RORA: variants seen among roughly 807,000 people sequenced by gnomAD.
RORA encodes the protein RAR related orphan receptor A, also known as nuclear receptor ROR-alpha.
RORA carries 7 observed loss-of-function variants against 69.5 expected under a neutral mutation model. That is an observed-to-expected ratio of 0.10 (90% CI 0.06 to 0.19). The LOEUF is 0.19. Ranked by LOEUF, RORA falls within the 10% of genes least tolerant of loss-of-function variation. RORA has a pLI of 1.00. For synonymous variants in RORA, 261 were observed against 240.8 expected (o/e 1.08, Z -0.78); for missense variants, 457 against 663.0 (o/e 0.69, Z 3.41).
At chr15:60,624,073 A>C (rs1261284728) in intron 2 of RORA, among the ~76,000 whole-genome samples, 1 of 152,104 alleles carries the variant, frequency 6.6e-6, no homozygotes, top group Non-Finnish European at 1.5e-5. Context: ...TGACTGCAGA[A>C]ATACTCTATA....
At chr15:60,811,707 C>T (rs1193774243) in intron 1 of RORA, among the ~76,000 whole-genome samples, 1 of 152,106 alleles carries the variant, frequency 6.6e-6, no homozygotes, top group Admixed American at 6.6e-5. Context: ...TTTATTATTA[C>T]CCACATCTCA....
chr15:61,183,067 G>T (rs2079702854), intron 1 of RORA: 1 of 152,292 alleles, frequency 6.6e-6, no homozygotes. Flanking sequence ...GCAGAAGAAT[G>T]AGTCAATCCA....
At position 60,855,237 on chromosome 15, in the gene RORA, C is replaced by A. The variant is rs978603554; in HGVS notation, c.167-176551G>T. Reference sequence around the variant, plus strand: ...ATCAAAGGAATGAGACGTCTCCTGGCCTTTCATGTTGCAAACTAGATGGAG... The same window carrying A: ...ATCAAAGGAATGAGACGTCTCCTGGACTTTCATGTTGCAAACTAGATGGAG... On this transcript the variant is annotated intron_variant, in intron 1 of 10. Transcript: ENST00000335670. 3.3e-5 allele frequency among the ~76,000 whole-genome samples: 5 copies of A among 152,286 alleles called. No homozygotes were observed. In the South Asian group the frequency reaches 1.0e-3, roughly 32 times the overall value.
chr15:60,707,614 C>T (rs937261674), intron 1 of RORA, among the ~76,000 whole-genome samples: 10 of 152,112 alleles, frequency 6.6e-5, no homozygotes, highest in African/African-American at 9.7e-5. Flanking sequence ...CTGTCCGCCT[C>T]GGCCTCCCAA....
In RORA at chr15:60,932,952, C is replaced by T. The variant is rs558584140; in HGVS notation, c.167-254266G>A. 1.1e-4 allele frequency among the ~76,000 whole-genome samples: 16 copies of T among 152,302 alleles called. No individual in the cohort carries two copies. The South Asian group carries it at 1.5e-3, about 14-fold the overall frequency. On this transcript the variant is annotated intron_variant, in intron 1 of 10. Coordinates refer to ENST00000335670, the MANE Select transcript of RORA (RefSeq NM_134261.3). Reference sequence around the variant, plus strand: ...CCTGAAGAGTGTTGATGGCTTCCTACGTCAGACAACCTTTCACTTAAAAAC... The same window carrying T: ...CCTGAAGAGTGTTGATGGCTTCCTATGTCAGACAACCTTTCACTTAAAAAC...
At chr15:61,162,012 G>C (rs1304183555) in intron 1 of RORA, among the ~76,000 whole-genome samples, 1 of 152,144 alleles carries the variant, frequency 6.6e-6, no homozygotes, top group Non-Finnish European at 1.5e-5. Flanking sequence ...TCCAAAAATA[G>C]AAATGTAGAT....
At chr15:60,516,225 ATATATATATT>A (rs1356248087) in intron 3 of RORA, among the ~76,000 whole-genome samples, 6 of 57,318 alleles carry the variant, frequency 1.0e-4, no homozygotes, top group East Asian at 3.7e-4. Flanking sequence ...ATATATATTT[ATATATATATT>A]TATATATATA....
chr15:61,126,080 T>TA, intron 1 of RORA, among the ~76,000 whole-genome samples: 1 of 152,190 alleles, frequency 6.6e-6, no homozygotes. Context: ...CACTTTTCTT[T>TA]AAAAAGCTCC....
chr15:60,876,952 A>G (rs182823018), intron 1 of RORA, among the ~76,000 whole-genome samples: 1 of 152,320 alleles, frequency 6.6e-6, no homozygotes, highest in Admixed American at 6.5e-5. Flanking sequence ...GGGGCCTTTC[A>G]GACGGTGGAG....
intron 2 of RORA, among the ~76,000 whole-genome samples, chr15:60,607,728 G>C (rs1200142105): frequency 6.6e-6 from 1 of 152,128 alleles, no homozygotes; most frequent in Non-Finnish European, 1.5e-5. Context: ...AGTGTTCAGG[G>C]CTCAAGTTTA....
chr15:61,136,634 C>T (rs1184877332), intron 1 of RORA, among the ~76,000 whole-genome samples: 2 of 152,128 alleles, frequency 1.3e-5, no homozygotes, highest in Non-Finnish European at 2.9e-5. Flanking sequence ...AGTGGAGACG[C>T]AGTCGAAAGA....
chr15:61,004,180 T>C (rs1185701304), intron 1 of RORA, among the ~76,000 whole-genome samples: 1 of 151,688 alleles, frequency 6.6e-6, no homozygotes, highest in African/African-American at 2.4e-5. Context: ...ACTTACTTCT[T>C]GTCATGGAAA....
chr15:61,014,779 C>G (rs1895221707), intron 1 of RORA, among the ~76,000 whole-genome samples: 1 of 152,106 alleles, frequency 6.6e-6, no homozygotes, highest in Non-Finnish European at 1.5e-5. Flanking sequence ...ACAGACGAAG[C>G]CAAAGGGGTA....
In RORA at chr15:61,033,345, G is replaced by C. The variant is rs1023299372; in HGVS notation, c.166+195708C>G. ...GAGAGGACTAATTCTCCCCAACAAT[G>C]CTTCCAGTTCAGTCCTCACTTGCAA... On this transcript the variant is annotated intron_variant, in intron 1 of 10. Transcript: ENST00000335670. 5.6e-4 allele frequency among the ~76,000 whole-genome samples: 85 copies of C among 151,440 alleles called. 1 individual carries two copies. The highest frequency in any genetic ancestry group is 2.0e-3 in the African/African-American group (84 of 41,128).
chr15:61,143,285 T>A (rs1436047421), intron 1 of RORA, among the ~76,000 whole-genome samples: 5 of 151,786 alleles, frequency 3.3e-5, no homozygotes, highest in African/African-American at 1.2e-4. Context: ...AAGAAAAAAA[T>A]TTTAAATCCT....
At chr15:61,176,280 T>C (rs999425640) in intron 1 of RORA, 4 of 152,194 alleles carry the variant, frequency 2.6e-5, no homozygotes, top group African/African-American at 9.7e-5. Context: ...ACCGCCCTAC[T>C]GTCATTTAAG....
intron 1 of RORA, among the ~76,000 whole-genome samples, chr15:60,980,570 T>C (rs1372035082): frequency 6.6e-6 from 1 of 152,122 alleles, no homozygotes; most frequent in Non-Finnish European, 1.5e-5. Flanking sequence ...ATAAGTCTAT[T>C]CATGTATTCT....
chr15:61,010,505 G>A (rs1385592942), intron 1 of RORA, among the ~76,000 whole-genome samples: 1 of 152,146 alleles, frequency 6.6e-6, no homozygotes, highest in Non-Finnish European at 1.5e-5. Context: ...CTGAGAGATC[G>A]ATCACCTGGT....
chr15:60,806,803 G>A (rs954567458), intron 1 of RORA, among the ~76,000 whole-genome samples: 1 of 152,072 alleles, frequency 6.6e-6, no homozygotes, highest in Non-Finnish European at 1.5e-5. Flanking sequence ...ACCTTTTATG[G>A]ACAAAAAGGA....
Sources: gnomAD v4.1 joint callset for allele counts (sites outside exome capture counted in the v4.1 genomes callset) on GRCh38, gnomAD v4.1.1 for gene constraint, MANE v1.5 for transcripts, NCBI Gene and HGNC (gene_info 2026-07-23, HGNC 2026-07-21) for gene names.